WSCD1: variants seen among roughly 807,000 people sequenced by gnomAD.
The protein encoded by WSCD1 is sialate:O-sulfotransferase 1.
In WSCD1, 41 loss-of-function variants were observed where a neutral mutation model predicts 60.4. The ratio of observed to expected loss-of-function variants is 0.68; its 90% CI spans 0.53 to 0.88. The LOEUF (loss-of-function observed/expected upper bound fraction) is 0.88. WSCD1 is among the 40% of genes least tolerant of loss of function. WSCD1 has a pLI of 0.00. For missense variants in WSCD1, 784 were observed against 796.2 expected (o/e 0.98, Z 0.18); for synonymous variants, 361 against 332.5 (o/e 1.09, Z -0.93).
chr17:6,074,506 G>A (rs111284564), intron 1 of WSCD1, among the ~76,000 whole-genome samples: 6 of 152,366 alleles, frequency 3.9e-5, no homozygotes, highest in African/African-American at 1.2e-4. Context: ...CTACAGGCTG[G>A]AAGGAGAGGT....
chr17:6,107,003 C>A (rs1911122728), intron 5 of WSCD1, among the ~76,000 whole-genome samples: 1 of 152,190 alleles, frequency 6.6e-6, no homozygotes, highest in Non-Finnish European at 1.5e-5. Flanking sequence ...GCAGTGTAAA[C>A]AACAGACATT....
chr17:6,111,306 A>G (rs565145061), intron 7 of WSCD1, among the ~76,000 whole-genome samples: 4 of 152,336 alleles, frequency 2.6e-5, no homozygotes, highest in East Asian at 3.9e-4. Context: ...GGATACATCT[A>G]CTAGAAAAAG....
chr17:6,075,976 G>A lies in WSCD1; in HGVS notation c.-288-4395G>A, dbSNP rs1908834227. Among the ~76,000 whole-genome samples, 1 of 152,206 alleles carries A rather than the reference G, an allele frequency of 6.6e-6. No homozygotes were observed. Among genetic ancestry groups the A allele is most frequent in the South Asian group, 2.1e-4 (1 of 4,836 alleles). ...AGGCTTGGCTGGGGAGACACCATGT[G>A]TGGCATCATCTCTAGGAGCTTTGGC... On this transcript the variant is annotated intron_variant, in intron 1 of 8. Transcript: ENST00000317744. The surrounding 1 kb of genome is among the most constrained non-coding windows in gnomAD (Gnocchi z 4.1).
chr17:6,087,992 A>T lies in WSCD1; in HGVS notation c.430A>T (p.Thr144Ser), dbSNP rs902224648. 1 of 1,612,658 alleles carries T rather than the reference A, an allele frequency of 6.2e-7. No homozygotes were observed. The highest frequency in any genetic ancestry group is 8.5e-7 in the Non-Finnish European group (1 of 1,178,702). The change falls in exon 3 of 9, where the codon ACC (threonine) becomes TCC (serine). Residue 144 changes from threonine to serine, a missense_variant and splice_region_variant. Coordinates refer to ENST00000317744, the MANE Select transcript of WSCD1 (RefSeq NM_015253.2). ...TAGCCATGCTTCCCTTTCTGCAGGCACCTACATTGGATGCTTCAGTGACGA... is the reference window on the plus strand; with the variant it reads ...TAGCCATGCTTCCCTTTCTGCAGGCTCCTACATTGGATGCTTCAGTGACGA... ...AARPAIHSRG[T>S]YIGCFSDDGH...
chr17:6,099,957 C>G (rs762561362), intron 5 of WSCD1, among the ~76,000 whole-genome samples: 1 of 152,108 alleles, frequency 6.6e-6, no homozygotes, highest in African/African-American at 2.4e-5. Flanking sequence ...GACCAAGAAC[C>G]CTGGTGTCCC....
chr17:6,116,975 A>G (rs1424307769), intron 7 of WSCD1, among the ~76,000 whole-genome samples: 3 of 152,162 alleles, frequency 2.0e-5, no homozygotes, highest in Non-Finnish European at 2.9e-5. Flanking sequence ...ACATCCCACT[A>G]TTTGGGATCC....
chr17:6,103,152 A>G (rs1469277117), intron 5 of WSCD1, among the ~76,000 whole-genome samples: 1 of 152,166 alleles, frequency 6.6e-6, no homozygotes, highest in Non-Finnish European at 1.5e-5. Flanking sequence ...CGTCTGCTAA[A>G]TGGGATGGGT....
In WSCD1 at chr17:6,078,532, G is replaced by C. The variant is rs530730179; in HGVS notation, c.-288-1839G>C. Among the ~76,000 whole-genome samples the C allele has an allele frequency of 6.6e-5, 10 of 152,290 alleles. No individual in the cohort carries two copies. In the South Asian group the frequency reaches 2.1e-3, roughly 32 times the overall value. On this transcript the variant is annotated intron_variant, in intron 1 of 8. Transcript: ENST00000317744. ...CCGAGGCAGATGTGCTGTGGTTCCG[G>C]TTCCCGGTGGCTCTGCTGGAATGTG...
chr17:6,117,697 C>A (rs1904372438), intron 7 of WSCD1, among the ~76,000 whole-genome samples: 1 of 152,242 alleles, frequency 6.6e-6, no homozygotes, highest in Non-Finnish European at 1.5e-5. Context: ...AATGACGGGT[C>A]TTCTGCCCTC....
intron 2 of WSCD1, among the ~76,000 whole-genome samples, chr17:6,086,274 T>C (rs536217397): frequency 5.5e-5 from 8 of 145,738 alleles, no homozygotes; most frequent in African/African-American, 1.5e-4. Context: ...TATATATATA[T>C]ACTTATGTAC....
intron 7 of WSCD1, among the ~76,000 whole-genome samples, chr17:6,115,702 C>T (rs1482607478): frequency 6.6e-6 from 1 of 152,124 alleles, no homozygotes; most frequent in Non-Finnish European, 1.5e-5. Context: ...TCAAGCGATT[C>T]TCCTGTCTCA....
chr17:6,088,139 G>T (rs1175121909), intron 3 of WSCD1, 35 bp downstream of exon 3: 1 of 1,584,462 alleles, frequency 6.3e-7, no homozygotes, highest in Non-Finnish European at 8.7e-7. Flanking sequence ...TGATTCTAGA[G>T]GCAGGAAGGT....
intron 7 of WSCD1, among the ~76,000 whole-genome samples, chr17:6,114,583 T>C (rs1393656953): frequency 2.6e-5 from 4 of 152,122 alleles, no homozygotes; most frequent in Non-Finnish European, 4.4e-5. Flanking sequence ...TTAAACATTG[T>C]ATACATGCAT....
chr17:6,091,717 C>T lies in WSCD1; in HGVS notation c.727+1212C>T, dbSNP rs548767170. Reference sequence around the variant, plus strand: ...AGGAGTCAGAGCCTGGGAGACCACCCCCACCACTGGCAAGGGTAGGACAGT... The same window carrying T: ...AGGAGTCAGAGCCTGGGAGACCACCTCCACCACTGGCAAGGGTAGGACAGT... On this transcript the variant is annotated intron_variant, in intron 4 of 8. Transcript: ENST00000317744. Among the ~76,000 whole-genome samples, 3 of 152,264 alleles carry T rather than the reference C, an allele frequency of 2.0e-5. No individual in the cohort carries two copies. In the East Asian group the frequency reaches 5.8e-4, roughly 29 times the overall value.
intron 3 of WSCD1, among the ~76,000 whole-genome samples, chr17:6,088,783 C>CA (rs1909824639): frequency 8.1e-6 from 1 of 122,900 alleles, no homozygotes; most frequent in African/African-American, 2.8e-5. Flanking sequence ...AGATTTTTTT[C>CA]ACCTTTTTTT....
At chr17:6,086,001 A>C (rs1465303918) in intron 2 of WSCD1, among the ~76,000 whole-genome samples, 2 of 152,072 alleles carry the variant, frequency 1.3e-5, no homozygotes, top group Admixed American at 1.3e-4. Flanking sequence ...GGGCGTCCCC[A>C]GATGAAGGTG....
rs754875181 is a variant in WSCD1 at position 6,109,644 on chromosome 17, A to G, written c.887A>G (p.Tyr296Cys). Residue 296 changes from tyrosine to cysteine, a missense_variant, in exon 6 of 9, where the codon TAC becomes TGC. Physicochemically the swap from Tyr to Cys is radical, Grantham distance 194. Transcript: ENST00000317744. Reference protein sequence around the residue: ...PLAILRGWECYCAYPTPRFNL... With the variant: ...PLAILRGWECCCAYPTPRFNL... Reference sequence around the variant, plus strand: ...GCCATTCTCAGGGGCTGGGAATGCTACTGTGCTTACCCTACCCCCCGGTTC... The same window carrying G: ...GCCATTCTCAGGGGCTGGGAATGCTGCTGTGCTTACCCTACCCCCCGGTTC... The G allele has an allele frequency of 4.3e-6, 7 of 1,613,998 alleles. No individual in the cohort carries two copies. In the South Asian group the frequency reaches 7.7e-5, roughly 18 times the overall value.
chr17:6,117,508 G>A (rs1904359158), intron 7 of WSCD1, among the ~76,000 whole-genome samples: 1 of 152,234 alleles, frequency 6.6e-6, no homozygotes, highest in Admixed American at 6.5e-5. Context: ...GTGGCATGTG[G>A]AGAGAGCCCT....
intron 4 of WSCD1, among the ~76,000 whole-genome samples, chr17:6,094,396 G>A (rs548740806): frequency 2.3e-4 from 35 of 152,284 alleles, no homozygotes; most frequent in Middle Eastern, 6.8e-3. Context: ...GAACAAACAT[G>A]GCTGGGTTTC....
Sources: gnomAD v4.1 joint callset for allele counts (sites outside exome capture counted in the v4.1 genomes callset) on GRCh38, gnomAD v4.1.1 for gene constraint, Gnocchi (gnomAD v3.1) non-coding constraint, MANE v1.5 for transcripts, NCBI Gene and HGNC (gene_info 2026-07-23, HGNC 2026-07-21) for gene names.